AHR: variants seen among roughly 807,000 people sequenced by gnomAD.
AHR encodes the protein aryl hydrocarbon receptor.
AHR carries 40 observed loss-of-function variants against 86.8 expected under a neutral mutation model. That is an observed-to-expected ratio of 0.46 (90% CI 0.36 to 0.60). The LOEUF is 0.60. Ranked by LOEUF, AHR falls within the 20% of genes least tolerant of loss-of-function variation. The probability of loss-of-function intolerance (pLI) is 0.00; values close to 1 mark genes in which losing one functional copy is unlikely to be tolerated. For synonymous variants in AHR, 398 were observed against 354.9 expected, an observed-to-expected ratio of 1.12 and a Z score of -1.37; for missense variants, 1,001 against 1,011.6, an observed-to-expected ratio of 0.99 and a Z score of 0.14.
At chr7:17,306,613 T>G (rs770986664) in intron 1 of AHR, among the ~76,000 whole-genome samples, 7 of 152,164 alleles carry the variant, frequency 4.6e-5, no homozygotes, top group Non-Finnish European at 8.8e-5. Flanking sequence ...AATGTTGGTA[T>G]TACTGAGGTC....
At position 17,344,529 on chromosome 7, in the gene AHR, A is replaced by G. The variant is rs776512509; in HGVS notation, c.*1465A>G. 6.6e-6 allele frequency: 1 copy of G among 152,650 alleles called. No individual in the cohort carries two copies. The highest frequency in any genetic ancestry group is 1.5e-5 in the Non-Finnish European group (1 of 68,020). 9.5% of individuals were successfully genotyped at this position (152,650 alleles called of 1,614,324 possible). ...TTACCTTCAAACTTTAGGTTTTTTT[A>G]ATGATATACTGATCTTCATTACCAA... On this transcript the variant is annotated 3_prime_UTR_variant, in exon 11 of 11. Coordinates refer to ENST00000242057, the MANE Select transcript of AHR (RefSeq NM_001621.5).
At chr7:17,320,448 A>G (rs1364039302) in intron 2 of AHR, among the ~76,000 whole-genome samples, 1 of 152,070 alleles carries the variant, frequency 6.6e-6, no homozygotes, top group Non-Finnish European at 1.5e-5. Context: ...AATTGTGTTG[A>G]TTAAATATTA....
intron 2 of AHR, among the ~76,000 whole-genome samples, chr7:17,316,940 A>G (rs1463163546): frequency 6.6e-6 from 1 of 152,100 alleles, no homozygotes; most frequent in African/African-American, 2.4e-5. Flanking sequence ...CAGGGTCTTC[A>G]TCTTCTCAGC....
Position 17,338,990 on chromosome 7 carries a change from G to A in AHR, c.1165G>A (p.Glu389Lys). ...CTTTTTTGTACACAATTTTAGAGAT[G>A]AGGAAGGAACAGAGCATTTACGAAA... ...IIVTQRPLTD[E>K]EGTEHLRKRN... Residue 389 changes from glutamate (E) to lysine (K), a missense_variant, in exon 10 of 11, where the codon GAG becomes AAG. Physicochemically the swap from Glu to Lys is moderately conservative, Grantham distance 56. This residue lies in a region of AHR where 607 missense variants were observed against 543.1 expected (regional missense o/e 1.12). Transcript: ENST00000242057. 1 of 1,592,214 alleles carries A rather than the reference G, an allele frequency of 6.3e-7. No homozygotes were observed. Among genetic ancestry groups the A allele is most frequent in the African/African-American group, 1.3e-5 (1 of 74,238 alleles).
chr7:17,335,387 A>C (rs1373862797), intron 8 of AHR, among the ~76,000 whole-genome samples: 2 of 152,000 alleles, frequency 1.3e-5, no homozygotes, highest in Non-Finnish European at 2.9e-5. Flanking sequence ...TTTTTCCCCA[A>C]CTTATGTTCT....
chr7:17,309,875 A>G, intron 1 of AHR, 61 bp from the exon 2 acceptor site: 1 of 1,363,550 alleles, frequency 7.3e-7, no homozygotes, highest in Non-Finnish European at 9.8e-7. Flanking sequence ...TTATAATGCA[A>G]TAGAAATTTT....
intron 2 of AHR, among the ~76,000 whole-genome samples, chr7:17,312,374 A>AG (rs991689748): frequency 9.2e-5 from 14 of 152,348 alleles, no homozygotes; most frequent in Admixed American, 7.8e-4. Flanking sequence ...AGAAAAAAAA[A>AG]GTATAGGTTT....
chr7:17,338,154 G>A (rs568069528), intron 9 of AHR, among the ~76,000 whole-genome samples: 8 of 148,514 alleles, frequency 5.4e-5, no homozygotes, highest in East Asian at 2.0e-4. Flanking sequence ...AGCCGAGATC[G>A]CGCCACTGCA....
chr7:17,308,719 A>G (rs534698188), intron 1 of AHR, among the ~76,000 whole-genome samples: 1 of 152,234 alleles, frequency 6.6e-6, no homozygotes, highest in African/African-American at 2.4e-5. Flanking sequence ...ACACACACAC[A>G]CACACACACA....
At chr7:17,304,078 T>C (rs1044473358) in intron 1 of AHR, among the ~76,000 whole-genome samples, 1 of 152,124 alleles carries the variant, frequency 6.6e-6, no homozygotes, top group South Asian at 2.1e-4. Context: ...CATCTTTTAG[T>C]TTGTTCTTTT....
intron 1 of AHR, 92 bp downstream of exon 1, chr7:17,299,421 G>T: frequency 2.8e-6 from 4 of 1,403,954 alleles, no homozygotes; most frequent in South Asian, 1.3e-5. Context: ...AAATCCCTGC[G>T]ATCCTGGGAT....
chr7:17,304,610 C>T (rs538997479), intron 1 of AHR, among the ~76,000 whole-genome samples: 36 of 152,096 alleles, frequency 2.4e-4, no homozygotes, highest in African/African-American at 4.8e-4. Flanking sequence ...ATTTAAGACC[C>T]GATTTAGATG....
intron 8 of AHR, 46 bp from the exon 9 acceptor site, chr7:17,335,599 T>G: frequency 6.8e-7 from 1 of 1,478,280 alleles, no homozygotes; most frequent in Non-Finnish European, 9.1e-7. Flanking sequence ...ATCTTTACTA[T>G]ATTGATTTGG....
At position 17,339,802 on chromosome 7, in the gene AHR, C is replaced by G; in HGVS notation, c.1977C>G (p.Phe659Leu). ...TTGAAAATTGGAACTCTAACCAATT[C>G]GTGCCTTTCAATTGTCCACAGCAAG... ...GMFENWNSNQ[F>L]VPFNCPQQDP... Residue 659 changes from phenylalanine to leucine, a missense_variant, in exon 10 of 11, where the codon TTC becomes TTG. Coordinates refer to ENST00000242057, the MANE Select transcript of AHR (RefSeq NM_001621.5). 6.2e-7 allele frequency: 1 copy of G among 1,614,162 alleles called. No homozygotes were observed. The highest frequency in any genetic ancestry group is 8.5e-7 in the Non-Finnish European group (1 of 1,180,032).
intron 9 of AHR, among the ~76,000 whole-genome samples, chr7:17,336,520 G>A (rs1379566447): frequency 2.6e-5 from 4 of 151,984 alleles, no homozygotes; most frequent in African/African-American, 2.4e-5. Context: ...AGATTGCCTT[G>A]GTTCTTCTTT....
chr7:17,324,887 A>G (rs566954832), intron 3 of AHR, among the ~76,000 whole-genome samples: 2 of 152,336 alleles, frequency 1.3e-5, no homozygotes, highest in East Asian at 3.9e-4. Context: ...ATAAAAATGA[A>G]ACAATGTGAA....
intron 1 of AHR, among the ~76,000 whole-genome samples, chr7:17,305,429 G>C (rs1446794456): frequency 6.6e-6 from 1 of 152,104 alleles, no homozygotes; most frequent in Non-Finnish European, 1.5e-5. Context: ...AGTATGGTAG[G>C]GGGATTTTAT....
chr7:17,340,754 T>G (rs1169215760), intron 10 of AHR, among the ~76,000 whole-genome samples: 1 of 152,168 alleles, frequency 6.6e-6, no homozygotes, highest in Non-Finnish European at 1.5e-5. Context: ...TGGAATTCAG[T>G]CCTAGGCACC....
chr7:17,300,370 G>T (rs147553698), intron 1 of AHR, among the ~76,000 whole-genome samples: 457 of 152,264 alleles, frequency 3.0e-3, no homozygotes, highest in Non-Finnish European at 4.9e-3. Context: ...CGTCTTCTCA[G>T]ACCAAATCAG....
Sources: gnomAD v4.1 joint callset for allele counts (sites outside exome capture counted in the v4.1 genomes callset) on GRCh38, gnomAD v4.1.1 for gene constraint, gnomAD v4.1.1 regional missense constraint, MANE v1.5 for transcripts, NCBI Gene and HGNC (gene_info 2026-07-23, HGNC 2026-07-21) for gene names.